AFF3: variants seen among roughly 807,000 people sequenced by gnomAD.
The protein encoded by AFF3 is AF4/FMR2 family member 3.
In AFF3, 32 loss-of-function variants were observed where a neutral mutation model predicts 129.7. That is an observed-to-expected ratio of 0.25 (90% CI 0.19 to 0.33). The LOEUF is 0.33. Ranked by LOEUF, AFF3 falls within the 10% of genes least tolerant of loss-of-function variation. The pLI, the probability that AFF3 is intolerant of heterozygous loss-of-function variation, is 1.00. For missense variants in AFF3, 1,373 were observed against 1,592.0 expected, an observed-to-expected ratio of 0.86 and a Z score of 2.34; for synonymous variants, 644 against 635.4, an observed-to-expected ratio of 1.01 and a Z score of -0.20.
intron 18 of AFF3, among the ~76,000 whole-genome samples, chr2:99,576,281 C>T (rs1244944384): frequency 6.6e-6 from 1 of 151,332 alleles, no homozygotes; most frequent in Non-Finnish European, 1.5e-5. Context: ...TTCACCTGCC[C>T]CAGTCTCCCA....
chr2:99,552,492 A>G (rs886665319), intron 24 of AFF3, among the ~76,000 whole-genome samples: 2 of 152,206 alleles, frequency 1.3e-5, no homozygotes, highest in Non-Finnish European at 2.9e-5. Flanking sequence ...CTGTCTCAAA[A>G]TCACAGTTTA....
At chr2:99,687,433 T>C (rs1277423273) in intron 11 of AFF3, among the ~76,000 whole-genome samples, 2 of 151,416 alleles carry the variant, frequency 1.3e-5, no homozygotes, top group Non-Finnish European at 2.9e-5. Context: ...ATGAGCCAGG[T>C]GGGTAATGGG....
intron 2 of AFF3, 119 bp from the exon 3 acceptor site, chr2:100,105,702 CCAT>C (rs1441158922): frequency 1.6e-5 from 22 of 1,358,094 alleles, no homozygotes; most frequent in Non-Finnish European, 2.2e-5. Context: ...GCGCATGTCT[CCAT>C]CAGGGCCCTA....
intron 7 of AFF3, among the ~76,000 whole-genome samples, chr2:99,975,868 G>GAAAAAAAAAAAAA (rs5832890): frequency 2.7e-5 from 2 of 74,564 alleles, no homozygotes; most frequent in Non-Finnish European, 6.0e-5. Flanking sequence ...AGATTAAAAT[G>GAAAAAAAAAAAAA]AAAAAAAAAA....
At position 99,952,118 on chromosome 2, in the gene AFF3, T is replaced by C. The variant is rs529233780; in HGVS notation, c.873+54514A>G. 5.9e-5 allele frequency among the ~76,000 whole-genome samples: 9 copies of C among 152,278 alleles called. No homozygotes were observed. The South Asian group carries it at 1.9e-3, about 32-fold the overall frequency. On this transcript the variant is annotated intron_variant, in intron 7 of 24. Coordinates refer to ENST00000672756, the MANE Select transcript of AFF3 (RefSeq NM_001386135.1). ...AACCAAGTCTCACGTCGAATTATAA[T>C]TCCCAATGTTGGAGGTGGGGCCTGA...
At chr2:99,681,813 AT>A (rs575567019) in intron 11 of AFF3, among the ~76,000 whole-genome samples, 11,261 of 146,288 alleles carry the variant, frequency 0.077, 1,388 homozygotes, top group African/African-American at 0.26. Context: ...AGCCTGAGGT[AT>A]TTTTTTTTTT....
At chr2:99,881,713 C>A (rs550418012) in intron 7 of AFF3, among the ~76,000 whole-genome samples, 2 of 152,236 alleles carry the variant, frequency 1.3e-5, no homozygotes, top group East Asian at 1.9e-4. Flanking sequence ...TCCAGGGAAA[C>A]CCTCAATGGA....
At chr2:99,626,033 G>C (rs970844484) in intron 13 of AFF3, among the ~76,000 whole-genome samples, 1 of 152,218 alleles carries the variant, frequency 6.6e-6, no homozygotes, top group African/African-American at 2.4e-5. Context: ...AGAGAACGCA[G>C]TTACTGAAGG....
At chr2:99,734,023 T>C (rs1680050203) in intron 10 of AFF3, among the ~76,000 whole-genome samples, 1 of 152,214 alleles carries the variant, frequency 6.6e-6, no homozygotes, top group Non-Finnish European at 1.5e-5. Flanking sequence ...AGAGAACTTG[T>C]ATCTTTACAA....
chr2:99,787,849 A>G (rs897188154), intron 8 of AFF3, among the ~76,000 whole-genome samples: 10 of 152,134 alleles, frequency 6.6e-5, no homozygotes, highest in Admixed American at 5.2e-4. Context: ...TTATCAGCAA[A>G]CGCCTCCTAA....
chr2:99,696,757 C>T (rs1021140716), intron 11 of AFF3, among the ~76,000 whole-genome samples: 1 of 151,208 alleles, frequency 6.6e-6, no homozygotes, highest in Non-Finnish European at 1.5e-5. Context: ...GCGATCCTCC[C>T]GCCATAGCCT....
At chr2:99,831,437 C>A (rs1688511754) in intron 8 of AFF3, among the ~76,000 whole-genome samples, 2 of 152,152 alleles carry the variant, frequency 1.3e-5, no homozygotes, top group Admixed American at 6.5e-5. Flanking sequence ...GGTTAGCTGG[C>A]TAGTACTGAA....
rs564418246 is a variant in AFF3, at chr2:99,733,178, G to T, written c.1040-6050C>A. Among the ~76,000 whole-genome samples the T allele has an allele frequency of 5.4e-4, 82 of 152,030 alleles. 2 individuals are homozygous for T. Among genetic ancestry groups the T allele is most frequent in the East Asian group, 3.7e-3 (19 of 5,172 alleles). On this transcript the variant is annotated intron_variant, in intron 10 of 24. Coordinates refer to ENST00000672756, the MANE Select transcript of AFF3 (RefSeq NM_001386135.1). ...GCGGATCATGAGGTCAGGAGATTGAGACCATCCTGGCTAACACAGTGAAAC... is the reference window on the plus strand; with the variant it reads ...GCGGATCATGAGGTCAGGAGATTGATACCATCCTGGCTAACACAGTGAAAC...
chr2:99,938,360 C>T (rs1333244749), intron 7 of AFF3, among the ~76,000 whole-genome samples: 1 of 152,132 alleles, frequency 6.6e-6, no homozygotes, highest in Non-Finnish European at 1.5e-5. Context: ...GAGTGTGTAC[C>T]TGACATGGTT....
intron 13 of AFF3, among the ~76,000 whole-genome samples, chr2:99,649,357 C>T (rs62154535): frequency 0.035 from 5,319 of 152,172 alleles, 115 homozygotes; most frequent in Non-Finnish European, 0.043. Flanking sequence ...CAGAATTTAC[C>T]GCACCACTCA....
intron 13 of AFF3, among the ~76,000 whole-genome samples, chr2:99,646,009 T>G (rs763519285): frequency 2.0e-5 from 3 of 152,146 alleles, no homozygotes; most frequent in Non-Finnish European, 2.9e-5. Flanking sequence ...TTCTTTTTCT[T>G]ATAACTGGTC....
chr2:99,901,492 A>T (rs1277971345), intron 7 of AFF3, among the ~76,000 whole-genome samples: 1 of 152,186 alleles, frequency 6.6e-6, no homozygotes, highest in African/African-American at 2.4e-5. Flanking sequence ...GAAACTCATT[A>T]TCGTGATCCC....
intron 7 of AFF3, among the ~76,000 whole-genome samples, chr2:99,955,797 T>C (rs547151733): frequency 9.3e-4 from 141 of 152,340 alleles, no homozygotes; most frequent in African/African-American, 3.3e-3. Context: ...CAGTGTCTTA[T>C]GGGAAGCATA....
intron 8 of AFF3, among the ~76,000 whole-genome samples, chr2:99,820,289 T>C (rs899772325): frequency 6.6e-6 from 1 of 152,212 alleles, no homozygotes; most frequent in Admixed American, 6.5e-5. Context: ...TACTCAATAC[T>C]GTAGGCAACT....
Sources: gnomAD v4.1 joint callset for allele counts (sites outside exome capture counted in the v4.1 genomes callset) on GRCh38, gnomAD v4.1.1 for gene constraint, MANE v1.5 for transcripts, NCBI Gene and HGNC (gene_info 2026-07-23, HGNC 2026-07-21) for gene names.